The following SYNE1 variants were observed in gnomAD, a reference collection of about 807,000 sequenced individuals.
SYNE1 encodes nesprin-1.
Under a neutral mutation model 1,111.0 loss-of-function variants are expected in SYNE1, and 616 were observed. That is an observed-to-expected ratio of 0.55 (90% CI 0.52 to 0.59). The LOEUF (loss-of-function observed/expected upper bound fraction) is 0.59. Among genes scored for constraint, SYNE1 ranks in the 20% least tolerant of loss-of-function variants. The pLI, the probability that SYNE1 is intolerant of heterozygous loss-of-function variation, is 0.00. For missense variants in SYNE1, 10,006 were observed against 10,417.0 expected (o/e 0.96, Z 1.72); for synonymous variants, 3,855 against 3,825.8 (o/e 1.01, Z -0.28).
intron 4 of SYNE1, among the ~76,000 whole-genome samples, chr6:152,528,350 A>G (rs2099175077): frequency 1.3e-5 from 2 of 152,296 alleles, no homozygotes; most frequent in South Asian, 2.1e-4. Context: ...TGAAGCCAAT[A>G]AAGAGACTTT....
intron 34 of SYNE1, among the ~76,000 whole-genome samples, chr6:152,433,286 A>T (rs991167733): frequency 6.6e-6 from 1 of 152,104 alleles, no homozygotes; most frequent in Non-Finnish European, 1.5e-5. Flanking sequence ...GAATCAGAGG[A>T]CCTCTGTCCA....
chr6:152,211,346 G>A, intron 124 of SYNE1, 148 bp downstream of exon 124: 1 of 680,064 alleles, frequency 1.5e-6, no homozygotes. Flanking sequence ...TTCAGAGATT[G>A]AGACAAGTTT....
chr6:152,444,660 T>C lies in SYNE1; in HGVS notation c.3670-82A>G, dbSNP rs940734665. ...TATAATTTTTTTGGTAAGGTATGAT[T>C]GACAAATAAACATTGTACATATTTA... On this transcript the variant is annotated intron_variant, in intron 29 of 145. Coordinates refer to ENST00000367255, the MANE Select transcript of SYNE1 (RefSeq NM_182961.4). The C allele has an allele frequency of 2.3e-6, 3 of 1,292,956 alleles. No homozygotes were observed. The African/African-American group carries it at 4.5e-5, about 19-fold the overall frequency. 80.1% of individuals were successfully genotyped at this position (1,292,956 alleles called of 1,614,324 possible).
At position 152,255,610 on chromosome 6, in the gene SYNE1, G is replaced by T; in HGVS notation, c.19241C>A (p.Thr6414Asn). 1 of 1,614,198 alleles carries T rather than the reference G, an allele frequency of 6.2e-7. No individual in the cohort carries two copies. Among genetic ancestry groups the T allele is most frequent in the South Asian group, 1.1e-5 (1 of 91,090 alleles). ...ATALLPEETE[T>N]CLFNQEILAK... ...ACCTACCTCTTGGTTGAAGAGACAA[G>T]TCTCTGTTTCTTCTGGTAAAAGTGC... is the stretch of plus-strand genomic sequence containing the variant. Residue 6414 changes from threonine (T) to asparagine (N), a missense_variant, in exon 103 of 146, where the codon ACT becomes AAT. Coordinates refer to ENST00000367255, the MANE Select transcript of SYNE1 (RefSeq NM_182961.4).
At chr6:152,182,248 T>C (rs1452045016) in intron 128 of SYNE1, among the ~76,000 whole-genome samples, 2 of 152,226 alleles carry the variant, frequency 1.3e-5, no homozygotes, top group Admixed American at 6.5e-5. Flanking sequence ...ATAGTGCTGG[T>C]TGAAATACTA....
At chr6:152,576,238 C>T (rs1401807453) in intron 3 of SYNE1, among the ~76,000 whole-genome samples, 1 of 152,156 alleles carries the variant, frequency 6.6e-6, no homozygotes, top group Non-Finnish European at 1.5e-5. Flanking sequence ...TTGCGTGAGC[C>T]AGTGTTCAAG....
At chr6:152,272,172 G>A (rs554333733) in intron 98 of SYNE1, among the ~76,000 whole-genome samples, 2 of 152,346 alleles carry the variant, frequency 1.3e-5, no homozygotes, top group African/African-American at 4.8e-5. Context: ...TGAAACATAA[G>A]ACTTGGACCA....
chr6:152,222,562 T>C (rs927423241), intron 117 of SYNE1, among the ~76,000 whole-genome samples: 1 of 152,240 alleles, frequency 6.6e-6, no homozygotes. Flanking sequence ...ATAATAATTG[T>C]ATGTATTTGT....
At chr6:152,159,098 C>A (rs564343271) in intron 131 of SYNE1, among the ~76,000 whole-genome samples, 1 of 152,104 alleles carries the variant, frequency 6.6e-6, no homozygotes, top group Non-Finnish European at 1.5e-5. Flanking sequence ...ACTACAGGCG[C>A]GCACCACCAT....
chr6:152,198,554 C>G (rs1434558947), intron 127 of SYNE1, among the ~76,000 whole-genome samples: 1 of 152,178 alleles, frequency 6.6e-6, no homozygotes, highest in Non-Finnish European at 1.5e-5. Context: ...ACATGTCTTC[C>G]TCACTAAGCT....
intron 51 of SYNE1, among the ~76,000 whole-genome samples, chr6:152,393,677 C>G (rs1462090115): frequency 6.6e-6 from 1 of 152,078 alleles, no homozygotes; most frequent in African/African-American, 2.4e-5. Flanking sequence ...AGTCATCAAA[C>G]TAGCATACCA....
intron 6 of SYNE1, among the ~76,000 whole-genome samples, chr6:152,517,900 G>T (rs1020780041): frequency 6.6e-6 from 1 of 151,808 alleles, no homozygotes; most frequent in African/African-American, 2.4e-5. Flanking sequence ...GATGAGAAAG[G>T]AGTTTGACTT....
chr6:152,284,535 T>C (rs931353295), intron 95 of SYNE1, among the ~76,000 whole-genome samples: 4 of 151,660 alleles, frequency 2.6e-5, no homozygotes, highest in Admixed American at 2.6e-4. Context: ...CACAGCTCAC[T>C]GTAATCTTGA....
chr6:152,278,847 G>A (rs1357734638), intron 97 of SYNE1, among the ~76,000 whole-genome samples: 3 of 151,866 alleles, frequency 2.0e-5, no homozygotes, highest in African/African-American at 4.8e-5. Flanking sequence ...GGCTCACTGC[G>A]GCCTCCATCT....
At position 152,367,731 on chromosome 6, in the gene SYNE1, A is replaced by G. The variant is rs1005838968; in HGVS notation, c.9808-349T>C. ...TATCACATTAGGCTCACCTGACACA[A>G]CAACCCACATGACCTACATTGTAGC... On this transcript the variant is annotated intron_variant, in intron 61 of 145. Coordinates refer to ENST00000367255, the MANE Select transcript of SYNE1 (RefSeq NM_182961.4). 6 of 309,234 alleles carry G rather than the reference A, an allele frequency of 1.9e-5. No individual in the cohort carries two copies. The Admixed American group carries it at 2.7e-4, about 14-fold the overall frequency. 19.2% of individuals were successfully genotyped at this position (309,234 alleles called of 1,614,324 possible).
At chr6:152,305,474 A>G (rs1251951921) in intron 91 of SYNE1, among the ~76,000 whole-genome samples, 1 of 152,118 alleles carries the variant, frequency 6.6e-6, no homozygotes, top group African/African-American at 2.4e-5. Context: ...CATATTGGCC[A>G]GGCTGGTCTC....
chr6:152,406,726 G>C (rs1263886761), intron 45 of SYNE1, among the ~76,000 whole-genome samples: 2 of 151,950 alleles, frequency 1.3e-5, no homozygotes, highest in African/African-American at 2.4e-5. Flanking sequence ...AAATTAGCCA[G>C]GTCTGGTGGT....
chr6:152,339,413 G>A (rs1166470311), intron 74 of SYNE1, 47 bp from the exon 75 acceptor site: 1 of 1,607,460 alleles, frequency 6.2e-7, no homozygotes, highest in South Asian at 1.1e-5. Context: ...CAGCTATTTA[G>A]ATAGCAAATA....
intron 108 of SYNE1, among the ~76,000 whole-genome samples, chr6:152,237,666 A>G (rs1241739371): frequency 2.0e-5 from 3 of 152,124 alleles, no homozygotes; most frequent in Admixed American, 6.6e-5. Context: ...AGTCAAAAGG[A>G]TGGGGATGTT....
Sources: gnomAD v4.1 joint callset for allele counts (sites outside exome capture counted in the v4.1 genomes callset) on GRCh38, gnomAD v4.1.1 for gene constraint, MANE v1.5 for transcripts, NCBI Gene and HGNC (gene_info 2026-07-23, HGNC 2026-07-21) for gene names.